The following PCDHGB3 variants were observed in gnomAD, a reference collection of about 807,000 sequenced individuals.
PCDHGB3 encodes the protein protocadherin gamma-B3.
PCDHGB3 carries 40 observed loss-of-function variants against 59.2 expected under a neutral mutation model. That is an observed-to-expected ratio of 0.68 (90% CI 0.52 to 0.88). The LOEUF (loss-of-function observed/expected upper bound fraction) is 0.88. Ranked by LOEUF, PCDHGB3 falls within the 40% of genes least tolerant of loss-of-function variation. The probability of loss-of-function intolerance (pLI) is 0.00; values close to 1 mark genes in which losing one functional copy is unlikely to be tolerated. For synonymous variants in PCDHGB3, 581 were observed against 503.6 expected (o/e 1.15, Z -2.06); for missense variants, 1,309 against 1,187.9 (o/e 1.10, Z -1.50).
At chr5:141,437,195 A>G (rs2097867163) in intron 1 of PCDHGB3, among the ~76,000 whole-genome samples, 2 of 152,180 alleles carry the variant, frequency 1.3e-5, no homozygotes, top group African/African-American at 4.8e-5. Context: ...ATGGGTTTGG[A>G]TGTGTTTACA....
At position 141,507,794 on chromosome 5, in the gene PCDHGB3, C is replaced by CT. The variant is rs576191739; in HGVS notation, c.2563+2314dup. On this transcript the variant is annotated intron_variant, in intron 3 of 3. Coordinates refer to ENST00000576222, the MANE Select transcript of PCDHGB3 (RefSeq NM_018924.5). ...CACAGGGCCTGACCCTCGTCTAAGC[C>CT]TGCGCCCTGGGGAACGGACCCTGGG... 7.9e-4 allele frequency among the ~76,000 whole-genome samples: 120 copies of CT among 152,356 alleles called. 2 individuals carry two copies. The highest frequency in any genetic ancestry group is 2.8e-3 in the African/African-American group (115 of 41,592).
At chr5:141,442,974 A>C (rs1444888648) in intron 1 of PCDHGB3, among the ~76,000 whole-genome samples, 1 of 152,176 alleles carries the variant, frequency 6.6e-6, no homozygotes, top group Non-Finnish European at 1.5e-5. Flanking sequence ...CTGGCTGATA[A>C]AGTTAGCCTA....
At chr5:141,390,233 T>C (rs1388812754) in intron 1 of PCDHGB3, 1 of 1,614,068 alleles carries the variant, frequency 6.2e-7, no homozygotes, top group Non-Finnish European at 8.5e-7. Flanking sequence ...GTGATTCATC[T>C]GGGGCCTTAT....
chr5:141,451,148 G>A (rs536843411), intron 1 of PCDHGB3, among the ~76,000 whole-genome samples: 2 of 152,154 alleles, frequency 1.3e-5, no homozygotes, highest in East Asian at 3.9e-4. Flanking sequence ...ATTTAGACTA[G>A]ACATTTTTTT....
In PCDHGB3 at chr5:141,511,286, G is replaced by A. The variant is rs1231704933; in HGVS notation, c.*113G>A. On this transcript the variant is annotated 3_prime_UTR_variant, in exon 4 of 4. Coordinates refer to ENST00000576222, the MANE Select transcript of PCDHGB3 (RefSeq NM_018924.5). The stretch of plus-strand genomic sequence containing the variant: ...GGCTAACCCCCAGAATACTGGTAGG[G>A]GCCAAGGCCATGCTCCCCTTGGGAA... 2 of 1,520,242 alleles carry A rather than the reference G, an allele frequency of 1.3e-6. No individual in the cohort carries two copies. The allele number at this position is 1,520,242 out of a possible 1,614,324, so 94.2% of individuals were successfully genotyped here.
Position 141,371,428 on chromosome 5 carries a change from C to T in PCDHGB3, c.1034C>T (p.Pro345Leu), listed in dbSNP as rs763264073. Residue 345 changes from proline (P) to leucine (L), a missense_variant, in exon 1 of 4, where the codon CCG (proline) becomes CTG (leucine). Coordinates refer to ENST00000576222, the MANE Select transcript of PCDHGB3 (RefSeq NM_018924.5). ...ATTTCAGATGAAAATGACAATGCCCCGGAGATAACCCTGGCTTCTGAATCC... is the reference window on the plus strand; with the variant it reads ...ATTTCAGATGAAAATGACAATGCCCTGGAGATAACCCTGGCTTCTGAATCC... Reference protein sequence around the residue: ...IDISDENDNAPEITLASESQH... With the variant: ...IDISDENDNALEITLASESQH... 3.7e-6 allele frequency: 6 copies of T among 1,613,772 alleles called. No individual in the cohort carries two copies. The African/African-American group carries it at 5.3e-5, about 14-fold the overall frequency.
intron 1 of PCDHGB3, chr5:141,417,389 A>C (rs578088616): frequency 2.5e-4 from 39 of 154,566 alleles, no homozygotes; most frequent in Admixed American, 4.5e-4. Flanking sequence ...ATTTTGAAGA[A>C]AAAATATTCA....
chr5:141,500,104 T>G (rs917633032), intron 2 of PCDHGB3, among the ~76,000 whole-genome samples: 4 of 152,124 alleles, frequency 2.6e-5, no homozygotes, highest in Non-Finnish European at 4.4e-5. Flanking sequence ...AATTTATTTG[T>G]TGAATCCCTG....
intron 1 of PCDHGB3, chr5:141,415,888 T>C: frequency 1.1e-6 from 1 of 940,220 alleles, no homozygotes; most frequent in South Asian, 2.9e-5. Flanking sequence ...ATATTGACAA[T>C]TCCTAAGACA....
At chr5:141,445,282 T>G (rs1023693067) in intron 1 of PCDHGB3, among the ~76,000 whole-genome samples, 4 of 152,220 alleles carry the variant, frequency 2.6e-5, no homozygotes, top group Non-Finnish European at 5.9e-5. Context: ...TCTGCATAAG[T>G]TCAGGCTTCC....
chr5:141,418,254 A>T (rs1217236221), intron 1 of PCDHGB3: 2 of 1,613,904 alleles, frequency 1.2e-6, no homozygotes, highest in African/African-American at 2.7e-5. Flanking sequence ...CACGCCCCTC[A>T]ATTCCGGAAA....
Position 141,489,560 on chromosome 5 carries a change from A to C in PCDHGB3, c.2416-5247A>C, listed in dbSNP as rs749076412. On this transcript the variant is annotated intron_variant, in intron 1 of 3. Coordinates refer to ENST00000576222, the MANE Select transcript of PCDHGB3 (RefSeq NM_018924.5). This position sits in a 1 kb window ranked among gnomAD's most constrained non-coding sequence, Gnocchi z 4.5. Reference sequence around the variant, plus strand: ...AGCACCAGCTGCCTGCTGCCAGTGCAGGTGGTGACTGAACACCCCCTGGAG... The same window carrying C: ...AGCACCAGCTGCCTGCTGCCAGTGCCGGTGGTGACTGAACACCCCCTGGAG... 2 of 1,614,142 alleles carry C rather than the reference A, an allele frequency of 1.2e-6. No individual in the cohort carries two copies. Among genetic ancestry groups the C allele is most frequent in the Admixed American group, 3.3e-5 (2 of 60,024 alleles).
intron 1 of PCDHGB3, chr5:141,413,694 C>G (rs2095667651): frequency 1.2e-6 from 2 of 1,613,800 alleles, no homozygotes; most frequent in East Asian, 4.5e-5. Context: ...CCCTGCAGAG[C>G]TATCAGCTCA....
At position 141,491,765 on chromosome 5, in the gene PCDHGB3, A is replaced by C; in HGVS notation, c.2416-3042A>C. 1 of 1,569,230 alleles carries C rather than the reference A, an allele frequency of 6.4e-7. No homozygotes were observed. On this transcript the variant is annotated intron_variant, in intron 1 of 3. Coordinates refer to ENST00000576222, the MANE Select transcript of PCDHGB3 (RefSeq NM_018924.5). This position sits in a 1 kb window ranked among gnomAD's most constrained non-coding sequence, Gnocchi z 6.9. The stretch of plus-strand genomic sequence containing the variant: ...GGCACTGGAGAAGCCGCCCGTCCTC[A>C]TAAGGGATTGAACTTGCATCCACTC...
chr5:141,466,975 A>G (rs769024064), intron 1 of PCDHGB3, among the ~76,000 whole-genome samples: 1 of 151,842 alleles, frequency 6.6e-6, no homozygotes, highest in Non-Finnish European at 1.5e-5. Flanking sequence ...CTCACAGCTC[A>G]TCATTTACCT....
rs191844335 is a variant in PCDHGB3 at position 141,394,289 on chromosome 5, C to A, written c.2415+21480C>A. ...ATGCCCAGGTCACTTACTCTGTGAC[C>A]GAGGACACGCTGCAGGGGGCGCCCC... On this transcript the variant is annotated intron_variant, in intron 1 of 3. Coordinates refer to ENST00000576222, the MANE Select transcript of PCDHGB3 (RefSeq NM_018924.5). The A allele has an allele frequency of 3.8e-5, 61 of 1,613,954 alleles. 1 individual carries two copies. In the African/African-American group the frequency reaches 6.0e-4, roughly 16 times the overall value.
At chr5:141,382,737 A>G (rs1186872738) in intron 1 of PCDHGB3, 2 of 571,884 alleles carry the variant, frequency 3.5e-6, no homozygotes, top group African/African-American at 3.7e-5. Context: ...GCACAGAGAA[A>G]CGACAGATTG....
chr5:141,437,346 T>C (rs143931647), intron 1 of PCDHGB3, among the ~76,000 whole-genome samples: 2 of 152,380 alleles, frequency 1.3e-5, no homozygotes, highest in East Asian at 3.9e-4. Flanking sequence ...CACTGTTTTA[T>C]AGTACCTAAA....
chr5:141,378,647 G>A lies in PCDHGB3; in HGVS notation c.2415+5838G>A, dbSNP rs576972610. On this transcript the variant is annotated intron_variant, in intron 1 of 3. Coordinates refer to ENST00000576222, the MANE Select transcript of PCDHGB3 (RefSeq NM_018924.5). Reference sequence around the variant, plus strand: ...CTGACTGGTGAATGGGAGAACAAATGTTAATGAGGTTCAAATAAAAATTTA... The same window carrying A: ...CTGACTGGTGAATGGGAGAACAAATATTAATGAGGTTCAAATAAAAATTTA... 11 of 152,304 alleles carry A rather than the reference G, an allele frequency of 7.2e-5. No homozygotes were observed. The East Asian group carries it at 1.9e-3, about 27-fold the overall frequency. 9.4% of individuals were successfully genotyped at this position (152,304 alleles called of 1,614,324 possible).
Sources: gnomAD v4.1 joint callset for allele counts (sites outside exome capture counted in the v4.1 genomes callset) on GRCh38, gnomAD v4.1.1 for gene constraint, Gnocchi (gnomAD v3.1) non-coding constraint, MANE v1.5 for transcripts, NCBI Gene and HGNC (gene_info 2026-07-23, HGNC 2026-07-21) for gene names.